HDAC4: variants seen among roughly 807,000 people sequenced by gnomAD.
HDAC4 encodes the protein histone deacetylase 4, also known as histone deacetylase A.
Under a neutral mutation model 135.1 loss-of-function variants are expected in HDAC4, and 16 were observed. That is an observed-to-expected ratio of 0.12 (90% CI 0.08 to 0.18). The LOEUF (loss-of-function observed/expected upper bound fraction) is 0.18, where lower values mean the gene tolerates loss of function less well. HDAC4 is among the 10% of genes least tolerant of loss of function. The probability of loss-of-function intolerance (pLI) is 1.00; values close to 1 mark genes in which losing one functional copy is unlikely to be tolerated. For missense variants in HDAC4, 1,143 were observed against 1,511.8 expected (o/e 0.76, Z 4.05); for synonymous variants, 685 against 653.4 (o/e 1.05, Z -0.74).
chr2:239,118,705 C>T (rs556199914), intron 12 of HDAC4, among the ~76,000 whole-genome samples: 8 of 152,224 alleles, frequency 5.3e-5, no homozygotes, highest in East Asian at 3.9e-4. Context: ...TCACGCCGTA[C>T]GCTGTAAATA....
rs765923203 is a variant in HDAC4, at chr2:239,139,641, C to G, written c.978+43G>C. The G allele has an allele frequency of 6.5e-7, 1 of 1,548,600 alleles. No homozygotes were observed. On this transcript the variant is annotated intron_variant, in intron 9 of 26. Transcript: ENST00000543185. This position sits in a 1 kb window ranked among gnomAD's most constrained non-coding sequence, Gnocchi z 5.3. ...CATTTCAAGCTCATCCGTCCCGAGTCCGACTCTAGCCGTAGGACACAGGAC... is the reference window on the plus strand; with the variant it reads ...CATTTCAAGCTCATCCGTCCCGAGTGCGACTCTAGCCGTAGGACACAGGAC...
intron 19 of HDAC4, among the ~76,000 whole-genome samples, chr2:239,086,399 A>G (rs899872841): frequency 6.8e-6 from 1 of 146,678 alleles, no homozygotes; most frequent in African/African-American, 2.6e-5. Flanking sequence ...GGATCTGACT[A>G]TCTCTCACGT....
In HDAC4 at chr2:239,115,183, T is replaced by G. The variant is rs1235575903; in HGVS notation, c.1661A>C (p.Glu554Ala). The change falls in exon 13 of 27, where the codon GAG becomes GCG. Residue 554 changes from glutamate (E) to alanine (A), a missense_variant. By Grantham distance (107) the Glu-to-Ala change is moderately radical (BLOSUM62 -1). Coordinates refer to ENST00000543185, the MANE Select transcript of HDAC4 (RefSeq NM_001378414.1). The surrounding 1 kb of genome is among the most constrained non-coding windows in gnomAD (Gnocchi z 6.3). Reference sequence around the variant, plus strand: ...CTGCACGCCGGCCTGTGCGTGCGCCTCCTTCTGCCCCGGCAGCCGGTCCAG... The same window carrying G: ...CTGCACGCCGGCCTGTGCGTGCGCCGCCTTCTGCCCCGGCAGCCGGTCCAG... ...PYLDRLPGQKEAHAQAGVQVK... is the reference protein window; with the variant it reads ...PYLDRLPGQKAAHAQAGVQVK... 7.4e-6 allele frequency: 12 copies of G among 1,610,996 alleles called. No homozygotes were observed. The highest frequency in any genetic ancestry group is 1.7e-5 in the Admixed American group (1 of 60,004).
At chr2:239,103,061 C>T (rs936176457) in intron 15 of HDAC4, among the ~76,000 whole-genome samples, 165 bp from the exon 16 acceptor site, 3 of 152,176 alleles carry the variant, frequency 2.0e-5, no homozygotes, top group East Asian at 1.9e-4. Context: ...CATCACCCAA[C>T]GTGATATTTT....
chr2:239,242,719 C>T (rs1028496116), intron 2 of HDAC4, among the ~76,000 whole-genome samples: 20 of 152,236 alleles, frequency 1.3e-4, no homozygotes, highest in Middle Eastern at 6.8e-3. Context: ...TCTGATCTTA[C>T]GAAGGATATT....
intron 1 of HDAC4, among the ~76,000 whole-genome samples, chr2:239,354,443 A>G (rs1172150267): frequency 6.6e-6 from 1 of 152,162 alleles, no homozygotes; most frequent in Non-Finnish European, 1.5e-5. Context: ...GACAAGTCTC[A>G]GCACTCCTAC....
At chr2:239,251,805 C>G (rs2124966747) in intron 2 of HDAC4, among the ~76,000 whole-genome samples, 1 of 152,236 alleles carries the variant, frequency 6.6e-6, no homozygotes, top group African/African-American at 2.4e-5. Flanking sequence ...ACTCCTCCCT[C>G]CAACAAAACC....
chr2:239,098,201 C>T (rs1342796147), intron 16 of HDAC4, among the ~76,000 whole-genome samples: 1 of 152,234 alleles, frequency 6.6e-6, no homozygotes, highest in African/African-American at 2.4e-5. Flanking sequence ...GTTTTGGTGA[C>T]AGTTGTGAGG....
In HDAC4 at chr2:239,068,698, G is replaced by A. The variant is rs1009104247; in HGVS notation, c.2751-91C>T. 2 of 1,103,376 alleles carry A rather than the reference G, an allele frequency of 1.8e-6. No homozygotes were observed. The highest frequency in any genetic ancestry group is 2.8e-6 in the Non-Finnish European group (2 of 717,122). 68.3% of individuals were successfully genotyped at this position (1,103,376 alleles called of 1,614,324 possible). On this transcript the variant is annotated intron_variant, in intron 22 of 26. Transcript: ENST00000543185. This position sits in a 1 kb window ranked among gnomAD's most constrained non-coding sequence, Gnocchi z 4.4. ...CAAGGTTCCCTCTGGCATTGATAAT[G>A]CCTGCCCCGCACCCCCTCGGCCACT...
At chr2:239,189,725 T>C (rs1389895611) in intron 4 of HDAC4, 108 bp downstream of exon 4, 4 of 1,048,446 alleles carry the variant, frequency 3.8e-6, no homozygotes, top group South Asian at 1.3e-5. Context: ...GCAGGAACCC[T>C]GCATCATGCC....
At chr2:239,234,510 A>G (rs575163075) in intron 3 of HDAC4, among the ~76,000 whole-genome samples, 1 of 152,316 alleles carries the variant, frequency 6.6e-6, no homozygotes, top group Admixed American at 6.5e-5. Flanking sequence ...GCTACATCAC[A>G]CACATTCCTC....
intron 5 of HDAC4, among the ~76,000 whole-genome samples, chr2:239,165,207 G>A (rs1390672691): frequency 1.3e-5 from 2 of 150,964 alleles, no homozygotes; most frequent in African/African-American, 4.9e-5. Flanking sequence ...TGCGCAATGC[G>A]AGTTTAGACC....
chr2:239,272,686 C>T (rs746869416), intron 2 of HDAC4, among the ~76,000 whole-genome samples: 1 of 152,198 alleles, frequency 6.6e-6, no homozygotes, highest in African/African-American at 2.4e-5. Flanking sequence ...AACCCAGCAT[C>T]GGAACCTCTC....
At chr2:239,224,701 G>A (rs2047145211) in intron 3 of HDAC4, among the ~76,000 whole-genome samples, 1 of 152,160 alleles carries the variant, frequency 6.6e-6, no homozygotes, top group South Asian at 2.1e-4. Flanking sequence ...ATAAATACAT[G>A]TATTCCATAT....
intron 3 of HDAC4, among the ~76,000 whole-genome samples, chr2:239,226,665 TG>T (rs140938093): frequency 3.3e-4 from 50 of 151,738 alleles, no homozygotes; most frequent in African/African-American, 8.9e-4. Flanking sequence ...TAACATGTAA[TG>T]GGGGGGGTGA....
At chr2:239,094,379 C>T (rs928317668) in intron 17 of HDAC4, 77 of 985,288 alleles carry the variant, frequency 7.8e-5, no homozygotes, top group Middle Eastern at 5.2e-4. Context: ...TCCTTGTGAA[C>T]TTATGCGCCC....
chr2:239,289,435 ATG>A (rs578122035), intron 2 of HDAC4, among the ~76,000 whole-genome samples: 63 of 152,340 alleles, frequency 4.1e-4, no homozygotes, highest in African/African-American at 1.4e-3. Context: ...ATGTTACAAT[ATG>A]TGTGTGTGTT....
At position 239,273,529 on chromosome 2, in the gene HDAC4, A is replaced by T. The variant is rs539330989; in HGVS notation, c.23-36865T>A. On this transcript the variant is annotated intron_variant, in intron 2 of 26. Transcript: ENST00000543185. The stretch of plus-strand genomic sequence containing the variant: ...TGAGTGTCTTGGATTATCACTCTGC[A>T]GCCCCCAGGAAGGAAGGAATGAAGC... Among the ~76,000 whole-genome samples, 196 of 152,320 alleles carry T rather than the reference A, an allele frequency of 1.3e-3. 2 individuals are homozygous for T. Among genetic ancestry groups the T allele is most frequent in the Admixed American group, 5.6e-3 (85 of 15,298 alleles).
chr2:239,300,165 G>A (rs191272228), intron 2 of HDAC4, among the ~76,000 whole-genome samples: 99 of 152,184 alleles, frequency 6.5e-4, no homozygotes, highest in Admixed American at 1.2e-3. Context: ...CAGGCTGTGC[G>A]CTGTGAACCT....
Sources: gnomAD v4.1 joint callset for allele counts (sites outside exome capture counted in the v4.1 genomes callset) on GRCh38, gnomAD v4.1.1 for gene constraint, Gnocchi (gnomAD v3.1) non-coding constraint, MANE v1.5 for transcripts, NCBI Gene and HGNC (gene_info 2026-07-23, HGNC 2026-07-21) for gene names.